Variants in PCSK2 observed in about 807,000 individuals in gnomAD.
PCSK2 encodes proprotein convertase subtilisin/kexin type 2.
In PCSK2, 14 loss-of-function variants were observed where a neutral mutation model predicts 69.7. That is an observed-to-expected ratio of 0.20 (90% CI 0.13 to 0.31). PCSK2 has a LOEUF of 0.31. PCSK2 is among the 10% of genes least tolerant of loss of function. The pLI is 1.00. For synonymous variants in PCSK2, 307 were observed against 320.7 expected, an observed-to-expected ratio of 0.96 and a Z score of 0.46; for missense variants, 544 against 842.5, an observed-to-expected ratio of 0.65 and a Z score of 4.39.
intron 1 of PCSK2, among the ~76,000 whole-genome samples, chr20:17,252,540 A>G (rs1987021210): frequency 6.6e-6 from 1 of 152,236 alleles, no homozygotes; most frequent in Non-Finnish European, 1.5e-5. Context: ...TTTTATAAGT[A>G]AAAAATCTGA....
intron 2 of PCSK2, among the ~76,000 whole-genome samples, chr20:17,293,845 T>C (rs1368576982): frequency 6.6e-6 from 1 of 152,160 alleles, no homozygotes; most frequent in Non-Finnish European, 1.5e-5. Flanking sequence ...CCTTCGTGTT[T>C]TTCTGTGCTT....
chr20:17,455,240 C>A (rs1370730954), intron 9 of PCSK2, among the ~76,000 whole-genome samples: 1 of 152,042 alleles, frequency 6.6e-6, no homozygotes, highest in Admixed American at 6.6e-5. Flanking sequence ...TAATTTTGCT[C>A]AATAGATGCC....
chr20:17,435,378 C>T (rs938850040), intron 7 of PCSK2, among the ~76,000 whole-genome samples: 4 of 152,018 alleles, frequency 2.6e-5, no homozygotes, highest in East Asian at 1.9e-4. Flanking sequence ...TAAGTAGTTG[C>T]GATAGAAGGT....
chr20:17,451,785 G>T (rs529479160), intron 8 of PCSK2, among the ~76,000 whole-genome samples: 1 of 152,092 alleles, frequency 6.6e-6, no homozygotes, highest in Admixed American at 6.6e-5. Flanking sequence ...GTTTAGCATC[G>T]ATTTCCTTCA....
intron 11 of PCSK2, among the ~76,000 whole-genome samples, chr20:17,475,824 CCACT>C (rs1222420061): frequency 6.6e-6 from 1 of 152,164 alleles, no homozygotes; most frequent in Non-Finnish European, 1.5e-5. Flanking sequence ...ATAATGATTG[CCACT>C]CAGTTACAGT....
intron 2 of PCSK2, among the ~76,000 whole-genome samples, chr20:17,334,443 C>T (rs980692160): frequency 1.3e-5 from 2 of 152,182 alleles, no homozygotes; most frequent in African/African-American, 2.4e-5. Flanking sequence ...TCCCACAAGC[C>T]GCATTCTCTG....
chr20:17,237,195 G>T (rs1216709887), intron 1 of PCSK2, among the ~76,000 whole-genome samples: 2 of 152,184 alleles, frequency 1.3e-5, no homozygotes, highest in Non-Finnish European at 2.9e-5. Flanking sequence ...AGAGAGCTAT[G>T]GTTGGTGAGT....
chr20:17,283,899 G>A (rs367844318), intron 2 of PCSK2, among the ~76,000 whole-genome samples: 1 of 152,160 alleles, frequency 6.6e-6, no homozygotes, highest in African/African-American at 2.4e-5. Flanking sequence ...CTCTTTATGA[G>A]TACAAATAAG....
chr20:17,421,841 CG>C (rs1360678775), intron 6 of PCSK2, among the ~76,000 whole-genome samples: 1 of 86,314 alleles, frequency 1.2e-5, no homozygotes, highest in Non-Finnish European at 2.3e-5. Context: ...AAAAAAAAGA[CG>C]AAAAAATATC....
intron 6 of PCSK2, among the ~76,000 whole-genome samples, chr20:17,425,582 T>A (rs1030597643): frequency 3.9e-5 from 6 of 152,178 alleles, no homozygotes; most frequent in African/African-American, 1.4e-4. Context: ...GGAATAAGAT[T>A]AAAATGTGCT....
At chr20:17,348,019 A>G (rs1990730914) in intron 2 of PCSK2, among the ~76,000 whole-genome samples, 1 of 145,334 alleles carries the variant, frequency 6.9e-6, no homozygotes, top group Non-Finnish European at 1.5e-5. Flanking sequence ...AAAGAGAGAA[A>G]AGAGAAAGAA....
chr20:17,449,514 A>G (rs58378891), intron 8 of PCSK2, among the ~76,000 whole-genome samples: 12,718 of 118,512 alleles, frequency 0.11, 671 homozygotes, highest in Non-Finnish European at 0.13. Context: ...ATACATATAT[A>G]TATGTATGTA....
At chr20:17,431,821 T>A (rs2032373404) in intron 7 of PCSK2, among the ~76,000 whole-genome samples, 1 of 152,250 alleles carries the variant, frequency 6.6e-6, no homozygotes, top group Admixed American at 6.5e-5. Context: ...TTATTCATCC[T>A]GGCTGGCAAT....
intron 5 of PCSK2, among the ~76,000 whole-genome samples, chr20:17,402,849 C>A (rs1203062516): frequency 1.3e-5 from 2 of 151,410 alleles, no homozygotes; most frequent in Non-Finnish European, 2.9e-5. Context: ...CCCAGCTACT[C>A]GGGAGGCTGA....
At chr20:17,397,803 T>A (rs1329132461) in intron 5 of PCSK2, among the ~76,000 whole-genome samples, 2 of 152,170 alleles carry the variant, frequency 1.3e-5, no homozygotes, top group Non-Finnish European at 2.9e-5. Flanking sequence ...TGCTTAGTAG[T>A]CACACACTTT....
intron 2 of PCSK2, among the ~76,000 whole-genome samples, chr20:17,315,659 G>A (rs574951664): frequency 6.6e-6 from 1 of 152,360 alleles, no homozygotes; most frequent in South Asian, 2.1e-4. Context: ...AGCCAGGGGC[G>A]CGCCCATCCT....
intron 2 of PCSK2, among the ~76,000 whole-genome samples, chr20:17,275,182 T>C (rs1988021929): frequency 6.6e-6 from 1 of 151,256 alleles, no homozygotes; most frequent in Admixed American, 6.6e-5. Context: ...TTTATTCGAG[T>C]TTAAGAAATC....
At chr20:17,256,943 A>T (rs1342971183) in intron 1 of PCSK2, among the ~76,000 whole-genome samples, 3 of 152,204 alleles carry the variant, frequency 2.0e-5, no homozygotes, top group East Asian at 1.9e-4. Context: ...CCTGCAAAGG[A>T]CATGAACTCA....
At chr20:17,358,473 C>T (rs1184277167) in intron 3 of PCSK2, 33 bp downstream of exon 3, 4 of 1,098,716 alleles carry the variant, frequency 3.6e-6, no homozygotes, top group Non-Finnish European at 5.6e-6. Flanking sequence ...GGACATTTCC[C>T]ATCTTGAGAC....
Sources: allele counts gnomAD v4.1 joint callset (sites outside exome capture counted in the v4.1 genomes callset), GRCh38; gene constraint gnomAD v4.1.1; transcripts MANE v1.5; gene names NCBI Gene and HGNC (gene_info 2026-07-23, HGNC 2026-07-21).